Variants in ZWILCH observed in about 807,000 individuals in gnomAD.
ZWILCH encodes the protein zwilch kinetochore protein, also known as protein zwilch homolog.
A neutral mutation model predicts 79.9 loss-of-function variants in ZWILCH; 74 were observed. The ratio of observed to expected loss-of-function variants is 0.93; its 90% CI spans 0.77 to 1.12. ZWILCH has a LOEUF of 1.12. Ranked by LOEUF, ZWILCH falls within the 50% of genes most tolerant of loss-of-function variation. The probability of loss-of-function intolerance (pLI) is 0.00; values close to 1 mark genes in which losing one functional copy is unlikely to be tolerated. For synonymous variants in ZWILCH, 241 were observed against 228.2 expected (o/e 1.06, Z -0.51); for missense variants, 694 against 687.5 (o/e 1.01, Z -0.11).
intron 9 of ZWILCH, 122 bp downstream of exon 9, chr15:66,527,505 C>T: frequency 1.3e-6 from 1 of 762,756 alleles, no homozygotes; most frequent in Non-Finnish European, 2.1e-6. Flanking sequence ...CTGTTATGGT[C>T]AGAGGGACAG....
intron 2 of ZWILCH, among the ~76,000 whole-genome samples, chr15:66,511,513 TAAAAAG>T (rs1223900839): frequency 1.3e-5 from 2 of 149,334 alleles, no homozygotes; most frequent in Non-Finnish European, 1.5e-5. Context: ...AAAAAAAAGA[TAAAAAG>T]AAACTGTTCA....
chr15:66,541,294 C>T (rs544804080), intron 17 of ZWILCH, among the ~76,000 whole-genome samples: 8 of 151,196 alleles, frequency 5.3e-5, no homozygotes, highest in Admixed American at 5.3e-4. Flanking sequence ...CAGAAACACA[C>T]CACACACACA....
intron 3 of ZWILCH, among the ~76,000 whole-genome samples, chr15:66,515,175 C>T (rs1894207408): frequency 6.6e-6 from 1 of 151,780 alleles, no homozygotes; most frequent in African/African-American, 2.4e-5. Flanking sequence ...GTCTCGACCT[C>T]TTGGGCTTAA....
At chr15:66,518,017 C>A (rs1042845236) in intron 4 of ZWILCH, among the ~76,000 whole-genome samples, 3 of 151,824 alleles carry the variant, frequency 2.0e-5, no homozygotes, top group Non-Finnish European at 2.9e-5. Context: ...AAGCTTGAGC[C>A]ACCGCGCCCG....
intron 15 of ZWILCH, 135 bp downstream of exon 15, chr15:66,536,204 C>CT (rs1242004915): frequency 1.5e-6 from 1 of 685,216 alleles, no homozygotes; most frequent in Non-Finnish European, 2.2e-6. Context: ...ATGCATGAGT[C>CT]TAAGTCAGTG....
At chr15:66,536,147 T>C in intron 15 of ZWILCH, 78 bp downstream of exon 15, 1 of 1,280,900 alleles carries the variant, frequency 7.8e-7, no homozygotes, top group Non-Finnish European at 1.1e-6. Flanking sequence ...TGTACAGTTT[T>C]TATTACCAGT....
At chr15:66,512,924 G>T (rs181315982) in intron 2 of ZWILCH, among the ~76,000 whole-genome samples, 10 of 152,312 alleles carry the variant, frequency 6.6e-5, no homozygotes, top group Admixed American at 1.3e-4. Context: ...CTCCTGAGTA[G>T]CTGGGATTAC....
At position 66,528,911 on chromosome 15, in the gene ZWILCH, G is replaced by C. The variant is rs1423320668; in HGVS notation, c.1029G>C (p.Arg343=). Residue 343 remains arginine, a synonymous_variant, in exon 11 of 19, where the codon CGG becomes CGC. Transcript: ENST00000307897. The stretch of plus-strand genomic sequence containing the variant: ...CCGTCAAGCGTCTTTTCAAAGTTCG[G>C]AGTGATCTTGATTTTGCTGAGCAAC... The part of the protein sequence containing the change: ...DRSVKRLFKV[R]SDLDFAEQLW... 1.2e-6 allele frequency: 2 copies of C among 1,614,100 alleles called. No homozygotes were observed. Among genetic ancestry groups the C allele is most frequent in the East Asian group, 4.5e-5 (2 of 44,878 alleles).
chr15:66,522,120 C>T (rs541218932), intron 7 of ZWILCH, among the ~76,000 whole-genome samples: 2 of 151,890 alleles, frequency 1.3e-5, no homozygotes, highest in South Asian at 4.2e-4. Flanking sequence ...ATCGCTTGAA[C>T]CCGGGAGGCA....
At chr15:66,507,291 T>G (rs56870152) in intron 1 of ZWILCH, among the ~76,000 whole-genome samples, 11,439 of 152,250 alleles carry the variant, frequency 0.075, 1,444 homozygotes, top group African/African-American at 0.26. Context: ...CTGGACATTC[T>G]ACTTCTGAAT....
At chr15:66,520,347 C>G (rs887536972) in intron 5 of ZWILCH, among the ~76,000 whole-genome samples, 1 of 152,168 alleles carries the variant, frequency 6.6e-6, no homozygotes, top group Non-Finnish European at 1.5e-5. Flanking sequence ...TCTCGAACTC[C>G]TGGGTTCAAA....
intron 2 of ZWILCH, among the ~76,000 whole-genome samples, chr15:66,510,482 G>GA (rs1894018867): frequency 6.6e-6 from 1 of 151,886 alleles, no homozygotes; most frequent in African/African-American, 2.4e-5. Context: ...CATGCAAATA[G>GA]AGTTACCTTT....
At chr15:66,542,397 AAC>A (rs757053244) in intron 17 of ZWILCH, among the ~76,000 whole-genome samples, 2 of 152,180 alleles carry the variant, frequency 1.3e-5, no homozygotes, top group Non-Finnish European at 2.9e-5. Flanking sequence ...CATCCTGGCT[AAC>A]ACAGTGAAAC....
intron 14 of ZWILCH, 140 bp from the exon 15 acceptor site, chr15:66,535,793 T>C (rs983173744): frequency 1.7e-5 from 11 of 638,764 alleles, no homozygotes; most frequent in Non-Finnish European, 2.8e-5. Flanking sequence ...AGAAATTCTA[T>C]CTAGCTTCTT....
intron 2 of ZWILCH, among the ~76,000 whole-genome samples, 160 bp downstream of exon 2, chr15:66,509,052 G>T (rs1019190279): frequency 6.6e-6 from 1 of 152,126 alleles, no homozygotes; most frequent in South Asian, 2.1e-4. Context: ...CCATTCTCCT[G>T]CCTCAGCCTC....
Position 66,540,753 on chromosome 15 carries a change from T to C in ZWILCH, c.1687+543T>C, listed in dbSNP as rs1366473191. ...AAGTGATTCTCCTGCCTCAGCCTCC[T>C]GAGTAGCTGGGATTACAGGTACGTG... On this transcript the variant is annotated intron_variant, in intron 17 of 18. Coordinates refer to ENST00000307897, the MANE Select transcript of ZWILCH (RefSeq NM_017975.5). 2.7e-5 allele frequency among the ~76,000 whole-genome samples: 4 copies of C among 149,712 alleles called. No individual in the cohort carries two copies. The East Asian group carries it at 6.3e-4, about 24-fold the overall frequency.
intron 4 of ZWILCH, among the ~76,000 whole-genome samples, chr15:66,516,342 C>T (rs1894256111): frequency 1.3e-5 from 2 of 152,204 alleles, no homozygotes; most frequent in Admixed American, 1.3e-4. Flanking sequence ...TCTGTCCAGC[C>T]TCCTCCTGCC....
chr15:66,540,829 A>G (rs924248208), intron 17 of ZWILCH, among the ~76,000 whole-genome samples: 1 of 150,392 alleles, frequency 6.6e-6, no homozygotes, highest in Non-Finnish European at 1.5e-5. Flanking sequence ...GGGTTTTACC[A>G]TGTTGGCCAG....
chr15:66,507,291 T>C (rs56870152), intron 1 of ZWILCH, among the ~76,000 whole-genome samples: 1 of 152,158 alleles, frequency 6.6e-6, no homozygotes, highest in Non-Finnish European at 1.5e-5. Flanking sequence ...CTGGACATTC[T>C]ACTTCTGAAT....
Sources: gnomAD v4.1 joint callset for allele counts (sites outside exome capture counted in the v4.1 genomes callset) on GRCh38, gnomAD v4.1.1 for gene constraint, MANE v1.5 for transcripts, NCBI Gene and HGNC (gene_info 2026-07-23, HGNC 2026-07-21) for gene names.